PTPRH: variants seen among roughly 807,000 people sequenced by gnomAD.
The protein encoded by PTPRH is receptor-type tyrosine-protein phosphatase H.
In PTPRH, 113 loss-of-function variants were observed where a neutral mutation model predicts 130.2. The observed-to-expected ratio is 0.87, with a 90% CI of 0.75 to 1.01. The LOEUF (loss-of-function observed/expected upper bound fraction) is 1.01. Ranked by LOEUF, PTPRH falls within the 50% of genes least tolerant of loss-of-function variation. PTPRH has a pLI of 0.00. For missense variants in PTPRH, 1,430 were observed against 1,425.0 expected, an observed-to-expected ratio of 1.00 and a Z score of -0.06; for synonymous variants, 556 against 577.9, an observed-to-expected ratio of 0.96 and a Z score of 0.54.
In PTPRH at chr19:55,191,738, A is replaced by AC; in HGVS notation, c.2260dup (p.Val754GlyfsTer28). 1 of 1,613,408 alleles carries AC rather than the reference A, an allele frequency of 6.2e-7. No individual in the cohort carries two copies. On this transcript the variant is annotated frameshift_variant, in exon 11 of 20. Transcript: ENST00000376350. ...GATGCCCACAAAGGCTCCGGCAATG[A>AC]CCCCTGTGGGGAGGAGGCATCGGGA...
chr19:55,182,268 G>A, intron 18 of PTPRH, 117 bp from the exon 19 acceptor site: 2 of 1,244,174 alleles, frequency 1.6e-6, no homozygotes, highest in Non-Finnish European at 2.2e-6. Flanking sequence ...GCTCACACCT[G>A]TAATCCCAGC....
In PTPRH at chr19:55,205,396, C is replaced by T. The variant is rs1415159845; in HGVS notation, c.549G>A (p.Leu183=). 1 of 1,614,216 alleles carries T rather than the reference C, an allele frequency of 6.2e-7. No individual in the cohort carries two copies. The highest frequency in any genetic ancestry group is 1.7e-5 in the Admixed American group (1 of 60,014). The change falls in exon 4 of 20, where the codon TTG becomes TTA. Residue 183 remains leucine, a synonymous_variant. Transcript: ENST00000376350. ...TTCCCACCCACATGGAAAACGCATA[C>T]AAACACCCGGGTTCAAGTCCATCCA... The part of the protein sequence containing the change: ...ITVDGLEPGC[L]YAFSMWVGKN...
rs771568930 is a variant in PTPRH, at chr19:55,188,206, CTT to C, written c.2385-40_2385-39del. ...GGGGAGCAGGGAGAAAAGACCGTAA[CTT>C]CTTTTAATCTTGCACTTTTGAGGGC... is the stretch of plus-strand genomic sequence containing the variant. On this transcript the variant is annotated intron_variant, in intron 12 of 19. Coordinates refer to ENST00000376350, the MANE Select transcript of PTPRH (RefSeq NM_002842.5). 1.2e-5 allele frequency: 19 copies of C among 1,545,904 alleles called. No homozygotes were observed. In the African/African-American group the frequency reaches 2.2e-4, roughly 18 times the overall value.
chr19:55,197,323 A>G lies in PTPRH; in HGVS notation c.1784T>C (p.Leu595Ser), dbSNP rs775229144. The G allele has an allele frequency of 2.5e-6, 4 of 1,614,220 alleles. No individual in the cohort carries two copies. Among genetic ancestry groups the G allele is most frequent in the Admixed American group, 3.3e-5 (2 of 60,022 alleles). Residue 595 changes from leucine (L) to serine (S), a missense_variant, in exon 9 of 20, where the codon TTG (leucine) becomes TCG (serine). Coordinates refer to ENST00000376350, the MANE Select transcript of PTPRH (RefSeq NM_002842.5). ...GGCCCACTGGACCCAGTATACGTAC[A>G]ACTGAGAGTGGGGGTCTCCAGGGGC... ...WKAPGDPHSQ[L>S]YVYWVQWASK...
intron 18 of PTPRH, among the ~76,000 whole-genome samples, chr19:55,184,219 G>C (rs902244607): frequency 3.9e-5 from 6 of 152,024 alleles, no homozygotes; most frequent in South Asian, 4.2e-4. Context: ...AGGAGGCAGA[G>C]GTTGCAGTGA....
chr19:55,207,669 T>C (rs1600087461), intron 1 of PTPRH, among the ~76,000 whole-genome samples: 1 of 74,648 alleles, frequency 1.3e-5, no homozygotes. Flanking sequence ...GACTCCTGAG[T>C]CTGAGGGAGG....
intron 9 of PTPRH, 108 bp downstream of exon 9, chr19:55,197,009 A>T: frequency 2.2e-6 from 3 of 1,392,732 alleles, no homozygotes; most frequent in Non-Finnish European, 2.9e-6. Context: ...CAGCTCATGA[A>T]GTCATGGCCT....
At chr19:55,194,119 G>C (rs2086619610) in intron 10 of PTPRH, 3 of 1,279,916 alleles carry the variant, frequency 2.3e-6, no homozygotes, top group African/African-American at 1.5e-5. Flanking sequence ...CAAAGTGCTG[G>C]GATTACAGGC....
At position 55,188,153 on chromosome 19, in the gene PTPRH, G is replaced by C; in HGVS notation, c.2400C>G (p.Ile800Met). 6.2e-7 allele frequency: 1 copy of C among 1,614,004 alleles called. No homozygotes were observed. Among genetic ancestry groups the C allele is most frequent in the Non-Finnish European group, 8.5e-7 (1 of 1,179,930 alleles). ...RDLVFSSPGDIPAEDFADHVR... is the reference protein window; with the variant it reads ...RDLVFSSPGDMPAEDFADHVR... The stretch of plus-strand genomic sequence containing the variant: ...CGTGGTCAGCGAAGTCTTCAGCTGG[G>C]ATGTCCCCTGGGGAGCTACGGGTTT... The change falls in exon 13 of 20, where the codon ATC becomes ATG. Residue 800 changes from isoleucine to methionine, a missense_variant. Coordinates refer to ENST00000376350, the MANE Select transcript of PTPRH (RefSeq NM_002842.5).
At chr19:55,186,022 T>A in intron 16 of PTPRH, 38 bp from the exon 17 acceptor site, 3 of 1,613,624 alleles carry the variant, frequency 1.9e-6, no homozygotes, top group Non-Finnish European at 2.5e-6. Flanking sequence ...ACAACTCCTC[T>A]TACCCAGGTC....
chr19:55,198,709 G>C lies in PTPRH; in HGVS notation c.1624C>G (p.His542Asp), dbSNP rs528565757. The change falls in exon 8 of 20, where the codon CAC becomes GAC. Residue 542 changes from histidine (H) to aspartate (D), a missense_variant. Coordinates refer to ENST00000376350, the MANE Select transcript of PTPRH (RefSeq NM_002842.5). ...TTCCTCTCGGCCCAGACGGTGAGGT[G>C]GTACAGGCTGCCAGCTTCCAGTTCC... ...LKELEAGSLY[H>D]LTVWAERNEV... 5 of 1,614,108 alleles carry C rather than the reference G, an allele frequency of 3.1e-6. No homozygotes were observed. Among genetic ancestry groups the C allele is most frequent in the Non-Finnish European group, 4.2e-6 (5 of 1,179,986 alleles).
At position 55,203,861 on chromosome 19, in the gene PTPRH, G is replaced by C. The variant is rs764919795; in HGVS notation, c.807C>G (p.Pro269=). The change falls in exon 5 of 20, where the codon CCC becomes CCG. Residue 269 remains proline (P), a synonymous_variant. Transcript: ENST00000376350. ...ACACAGAACACGTATACAATGACCC[G>C]GGTCCAAGGCCATCCACGGTGACTC... ...DTRVTVDGLG[P]GSLYTCSVWV... The C allele has an allele frequency of 3.7e-6, 6 of 1,614,086 alleles. No homozygotes were observed. Among genetic ancestry groups the C allele is most frequent in the Admixed American group, 1.7e-5 (1 of 60,002 alleles).
Position 55,185,573 on chromosome 19 carries a change from C to G in PTPRH, c.2991G>C (p.Leu997=). ...ACTGCCGAAGCATCCTCCAGAAAGC[C>G]AGCAAGGTGTCTGGGGAGGAGGGAA... ...HGVPSSPDTL[L]AFWRMLRQWL... is the part of the protein sequence containing the mutation. Residue 997 remains leucine (L), a synonymous_variant, in exon 18 of 20, where the codon CTG becomes CTC. Coordinates refer to ENST00000376350, the MANE Select transcript of PTPRH (RefSeq NM_002842.5). 6.2e-7 allele frequency: 1 copy of G among 1,614,196 alleles called. No individual in the cohort carries two copies. The highest frequency in any genetic ancestry group is 1.1e-5 in the South Asian group (1 of 91,086).
At chr19:55,188,009 A>AGGGGGTG (rs1952797920) in intron 13 of PTPRH, 69 bp downstream of exon 13, 1 of 939,966 alleles carries the variant, frequency 1.1e-6, no homozygotes, top group Non-Finnish European at 1.5e-6. Context: ...AGGTCTGGCC[A>AGGGGGTG]GGGGGTGGGG....
chr19:55,188,201 C>T (rs368596005), intron 12 of PTPRH, 33 bp from the exon 13 acceptor site: 39 of 1,555,796 alleles, frequency 2.5e-5, no homozygotes, highest in Admixed American at 1.2e-4. Context: ...GAGAAAAGAC[C>T]GTAACTTCTT....
At chr19:55,190,099 T>C (rs1341724838) in intron 12 of PTPRH, among the ~76,000 whole-genome samples, 2 of 151,790 alleles carry the variant, frequency 1.3e-5, no homozygotes, top group Admixed American at 6.6e-5. Flanking sequence ...GGCCAGGGGC[T>C]GTGGCTCACG....
At chr19:55,183,654 G>A (rs1285404267) in intron 18 of PTPRH, among the ~76,000 whole-genome samples, 1 of 152,042 alleles carries the variant, frequency 6.6e-6, no homozygotes, top group African/African-American at 2.4e-5. Context: ...AACTTGGGAG[G>A]TGGAGGTTGC....
In PTPRH at chr19:55,186,495, C is replaced by A; in HGVS notation, c.2612G>T (p.Gly871Val). Reference protein sequence around the residue: ...VPLKPIHEEPGSDYINASFMP... With the variant: ...VPLKPIHEEPVSDYINASFMP... The stretch of plus-strand genomic sequence containing the variant: ...GAAGCTGGCATTGATGTAGTCAGAG[C>A]CTGGCTCCTCATGGATGGGCTTCAG... The change falls in exon 15 of 20, where the codon GGC (glycine) becomes GTC (valine). Residue 871 changes from glycine (G) to valine (V), a missense_variant. Coordinates refer to ENST00000376350, the MANE Select transcript of PTPRH (RefSeq NM_002842.5). 1 of 1,562,922 alleles carries A rather than the reference C, an allele frequency of 6.4e-7. No homozygotes were observed. Among genetic ancestry groups the A allele is most frequent in the Non-Finnish European group, 8.6e-7 (1 of 1,160,462 alleles).
At chr19:55,186,058 TG>T (rs1357336041) in intron 16 of PTPRH, 74 bp from the exon 17 acceptor site, 1 of 1,607,378 alleles carries the variant, frequency 6.2e-7, no homozygotes, top group African/African-American at 1.3e-5. Context: ...AGGCCCCAAA[TG>T]TGAACCAGCA....
Sources: allele counts gnomAD v4.1 joint callset (sites outside exome capture counted in the v4.1 genomes callset), GRCh38; gene constraint gnomAD v4.1.1; transcripts MANE v1.5; gene names NCBI Gene and HGNC (gene_info 2026-07-23, HGNC 2026-07-21).